Variants in ENTPD1 observed in about 807,000 individuals in gnomAD.
ENTPD1 encodes the protein ectonucleoside triphosphate diphosphohydrolase 1.
ENTPD1 carries 33 observed loss-of-function variants against 57.0 expected under a neutral mutation model. The ratio of observed to expected loss-of-function variants is 0.58; its 90% CI spans 0.44 to 0.77. ENTPD1 has a LOEUF of 0.77. Among genes scored for constraint, ENTPD1 ranks in the 30% least tolerant of loss-of-function variants. The pLI is 0.00. For missense variants in ENTPD1, 501 were observed against 603.4 expected (o/e 0.83, Z 1.78); for synonymous variants, 202 against 218.8 (o/e 0.92, Z 0.68).
chr10:95,731,781 C>CTTTTTTTTTTTTTT (rs34841311), intron 1 of ENTPD1, among the ~76,000 whole-genome samples: 808 of 79,154 alleles, frequency 0.01, 105 homozygotes, highest in Non-Finnish European at 0.014. Flanking sequence ...AGTGGACATC[C>CTTTTTTTTTTTTTT]TTTTTTTTTT....
intron 1 of ENTPD1, among the ~76,000 whole-genome samples, chr10:95,776,219 G>A (rs2098133324): frequency 2.0e-5 from 3 of 152,308 alleles, no homozygotes; most frequent in Admixed American, 2.0e-4. Flanking sequence ...AGTTTATGCA[G>A]TTTCTTCCTA....
intron 1 of ENTPD1, among the ~76,000 whole-genome samples, chr10:95,780,460 G>A (rs1441404050): frequency 1.3e-5 from 2 of 152,132 alleles, no homozygotes; most frequent in African/African-American, 2.4e-5. Context: ...TGACCTCAAG[G>A]TCTATTAAAG....
At chr10:95,730,822 T>C (rs931524015) in intron 1 of ENTPD1, among the ~76,000 whole-genome samples, 3 of 152,240 alleles carry the variant, frequency 2.0e-5, no homozygotes, top group Non-Finnish European at 4.4e-5. Flanking sequence ...AGTGAAGGTA[T>C]ACTAATACCT....
intron 4 of ENTPD1, among the ~76,000 whole-genome samples, chr10:95,843,966 G>T (rs3181125): frequency 0.037 from 5,689 of 152,288 alleles, 131 homozygotes; most frequent in Non-Finnish European, 0.049. Context: ...ATATGAGGAA[G>T]ATTTTTCCCA....
rs750929272 is a variant in ENTPD1 at position 95,867,536 on chromosome 10, C to T, written c.*1153C>T. ...GTGGAGTGGCATGCTTTTGCCCTATCGTGGAATTTACACATCAGAATGTGC... is the reference window on the plus strand; with the variant it reads ...GTGGAGTGGCATGCTTTTGCCCTATTGTGGAATTTACACATCAGAATGTGC... On this transcript the variant is annotated 3_prime_UTR_variant, in exon 10 of 10. Transcript: ENST00000371205. 12 of 985,286 alleles carry T rather than the reference C, an allele frequency of 1.2e-5. No homozygotes were observed. Among genetic ancestry groups the T allele is most frequent in the African/African-American group, 1.0e-4 (6 of 57,224 alleles). 61.0% of individuals were successfully genotyped at this position (985,286 alleles called of 1,614,324 possible).
chr10:95,843,363 G>A (rs987439771), intron 4 of ENTPD1: 38 of 152,306 alleles, frequency 2.5e-4, no homozygotes, highest in African/African-American at 8.7e-4. Flanking sequence ...ATAGAAGATA[G>A]GTAAGTAGTG....
intron 1 of ENTPD1, among the ~76,000 whole-genome samples, chr10:95,736,353 G>A (rs1357973059): frequency 6.6e-6 from 1 of 152,124 alleles, no homozygotes; most frequent in African/African-American, 2.4e-5. Flanking sequence ...GTGTGCTGAG[G>A]AGGAGTTTTG....
intron 4 of ENTPD1, chr10:95,843,229 TA>T (rs2098426170): frequency 6.6e-6 from 1 of 152,250 alleles, no homozygotes; most frequent in African/African-American, 2.4e-5. Context: ...CTGTTCTAAG[TA>T]CTGAGGATAC....
chr10:95,772,097 T>C (rs142423920), intron 1 of ENTPD1, among the ~76,000 whole-genome samples: 13 of 152,366 alleles, frequency 8.5e-5, no homozygotes, highest in African/African-American at 3.1e-4. Flanking sequence ...AAATACTTTA[T>C]TGCTAAAAAA....
intron 8 of ENTPD1, among the ~76,000 whole-genome samples, chr10:95,862,413 T>C (rs1290389937): frequency 6.6e-6 from 1 of 152,264 alleles, no homozygotes; most frequent in Non-Finnish European, 1.5e-5. Flanking sequence ...TTTGGGAATG[T>C]TCCTCCTAAA....
chr10:95,832,540 C>G (rs4917715), intron 2 of ENTPD1, among the ~76,000 whole-genome samples: 81,917 of 151,894 alleles, frequency 0.54, 22,509 homozygotes, highest in Admixed American at 0.63. Context: ...TAACTGAACA[C>G]TGGCAGTTAG....
At chr10:95,806,862 C>T (rs1414305031) in intron 1 of ENTPD1, among the ~76,000 whole-genome samples, 1 of 151,498 alleles carries the variant, frequency 6.6e-6, no homozygotes, top group Non-Finnish European at 1.5e-5. Context: ...ATATTGCTGC[C>T]TGATCCTTCC....
Position 95,873,369 on chromosome 10 carries a change from A to C in ENTPD1, c.*6986A>C, listed in dbSNP as rs1376123574. 1.0e-6 allele frequency: 1 copy of C among 985,464 alleles called. No individual in the cohort carries two copies. The highest frequency in any genetic ancestry group is 1.7e-5 in the African/African-American group (1 of 57,240). The allele number at this position is 985,464 out of a possible 1,614,324, so 61.0% of individuals were successfully genotyped here. A position where few individuals can be genotyped will look rare whatever the true frequency, so the allele number is the denominator to read the frequency against. ...TTTTGTCAGTTGTCTGTGCCCCAGG[A>C]GATCCCTCTCTGCCTTGCCTTGCCC... On this transcript the variant is annotated 3_prime_UTR_variant, in exon 10 of 10. Coordinates refer to ENST00000371205, the MANE Select transcript of ENTPD1 (RefSeq NM_001776.6).
At chr10:95,777,951 C>T (rs1015031380) in intron 1 of ENTPD1, among the ~76,000 whole-genome samples, 10 of 152,180 alleles carry the variant, frequency 6.6e-5, no homozygotes, top group African/African-American at 2.2e-4. Flanking sequence ...TCCGCTGAAC[C>T]ATGTGTGGGA....
chr10:95,707,714 C>T (rs995668742), upstream of ENTPD1, among the ~76,000 whole-genome samples: 5 of 152,206 alleles, frequency 3.3e-5, no homozygotes, highest in South Asian at 2.1e-4. Context: ...AAGCGATTCT[C>T]GTGCTTCAGC....
In ENTPD1 at chr10:95,762,085, C is replaced by T. The variant is rs187052672; in HGVS notation, c.16+5830C>T. Among the ~76,000 whole-genome samples, 23 of 151,876 alleles carry T rather than the reference C, an allele frequency of 1.5e-4. 1 individual carries two copies. The East Asian group carries it at 2.3e-3, about 15-fold the overall frequency. The stretch of plus-strand genomic sequence containing the variant: ...TAGAGGTTGTCTAACATGTATGAAA[C>T]ATGCTGTTTTTGTTAGATCATCAAA... On this transcript the variant is annotated intron_variant, in intron 1 of 9. Coordinates refer to ENST00000371205, the MANE Select transcript of ENTPD1 (RefSeq NM_001776.6).
At position 95,869,113 on chromosome 10, in the gene ENTPD1, C is replaced by A; in HGVS notation, c.*2730C>A. On this transcript the variant is annotated 3_prime_UTR_variant, in exon 10 of 10. Coordinates refer to ENST00000371205, the MANE Select transcript of ENTPD1 (RefSeq NM_001776.6). ...TTACCATTCTCCCCTGGATTTTCAC[C>A]CAGGACTCAAAACTTGGTTCTGCTA... The A allele has an allele frequency of 1.0e-6, 1 of 985,194 alleles. No individual in the cohort carries two copies. The highest frequency in any genetic ancestry group is 1.2e-6 in the Non-Finnish European group (1 of 829,916). 61.0% of individuals were successfully genotyped at this position (985,194 alleles called of 1,614,324 possible).
chr10:95,765,177 T>C (rs11188475), intron 1 of ENTPD1, among the ~76,000 whole-genome samples: 11,152 of 152,302 alleles, frequency 0.073, 451 homozygotes, highest in African/African-American at 0.097. Flanking sequence ...AGCACAAAAT[T>C]TAAAAGTTTT....
chr10:95,759,368 GC>G (rs1002660826), intron 1 of ENTPD1, among the ~76,000 whole-genome samples: 2 of 152,328 alleles, frequency 1.3e-5, no homozygotes, highest in African/African-American at 4.8e-5. Context: ...CTGAACTTCA[GC>G]CCCTACTCCC....
Sources: gnomAD v4.1 joint callset for allele counts (sites outside exome capture counted in the v4.1 genomes callset) on GRCh38, gnomAD v4.1.1 for gene constraint, MANE v1.5 for transcripts, NCBI Gene and HGNC (gene_info 2026-07-23, HGNC 2026-07-21) for gene names.